The following ZBTB25 variants were observed in gnomAD, a reference collection of about 807,000 sequenced individuals.
ZBTB25 encodes the protein zinc finger and BTB domain containing 25, also known as zinc finger and BTB domain-containing protein 25.
ZBTB25 carries 20 observed loss-of-function variants against 34.2 expected under a neutral mutation model. The observed-to-expected ratio is 0.58, with a 90% CI of 0.41 to 0.85. ZBTB25 has a LOEUF of 0.85. ZBTB25 is among the 40% of genes least tolerant of loss of function. The pLI is 0.00. For missense variants in ZBTB25, 437 were observed against 521.8 expected, an observed-to-expected ratio of 0.84 and a Z score of 1.58; for synonymous variants, 175 against 186.4, an observed-to-expected ratio of 0.94 and a Z score of 0.50.
rs1232395894 is a variant in ZBTB25, at chr14:64,483,897, T to C, written c.*3026A>G. 3 of 132,996 alleles carry C rather than the reference T, an allele frequency of 2.3e-5. No homozygotes were observed. The highest frequency in any genetic ancestry group is 4.5e-5 in the Non-Finnish European group (3 of 65,998). The allele number at this position is 132,996 out of a possible 1,614,324, so 8.2% of individuals were successfully genotyped here. A position where few individuals can be genotyped will look rare whatever the true frequency, so the allele number is the denominator to read the frequency against. ...AGGCGGAGGTTGCAGTGAGCTGAGATTGCACCACTGCACTCCAGCCTGGCG... is the reference window on the plus strand; with the variant it reads ...AGGCGGAGGTTGCAGTGAGCTGAGACTGCACCACTGCACTCCAGCCTGGCG... On this transcript the variant is annotated 3_prime_UTR_variant, in exon 3 of 3. Transcript: ENST00000608382.
chr14:64,458,406 G>T lies in ZBTB25; in HGVS notation c.174-8768C>A, dbSNP rs1010630892. 6 of 855,226 alleles carry T rather than the reference G, an allele frequency of 7.0e-6. No individual in the cohort carries two copies. In the Admixed American group the frequency reaches 1.1e-4, roughly 15 times the overall value. The allele number at this position is 855,226 out of a possible 1,614,324, so 53.0% of individuals were successfully genotyped here. A position where few individuals can be genotyped will look rare whatever the true frequency, so the allele number is the denominator to read the frequency against. On this transcript the variant is annotated intron_variant, in intron 2 of 2. Transcript: ENST00000555220. ...ACGCTATAAAAATTCACATTCTAAT[G>T]CTTTCAAAACATTTCTTTTCAGACT...
intron 1 of ZBTB25, among the ~76,000 whole-genome samples, chr14:64,497,696 T>C (rs1368192821): frequency 6.6e-6 from 1 of 152,220 alleles, no homozygotes; most frequent in Non-Finnish European, 1.5e-5. Flanking sequence ...TACTAGTATC[T>C]ATGTTTGTTT....
intron 1 of ZBTB25, among the ~76,000 whole-genome samples, chr14:64,499,885 T>C (rs2079427038): frequency 6.6e-6 from 1 of 152,230 alleles, no homozygotes; most frequent in African/African-American, 2.4e-5. Flanking sequence ...AGAGTAGTTA[T>C]GCTCTAGAAA....
chr14:64,502,033 T>C (rs2079514978), intron 1 of ZBTB25, among the ~76,000 whole-genome samples: 1 of 152,216 alleles, frequency 6.6e-6, no homozygotes, highest in Admixed American at 6.5e-5. Flanking sequence ...TGCGAATGAC[T>C]GTATTACCAC....
chr14:64,503,773 C>G lies in ZBTB25; in HGVS notation c.-120G>C. On this transcript the variant is annotated 5_prime_UTR_variant, in exon 1 of 3. Coordinates refer to ENST00000608382, the MANE Select transcript of ZBTB25 (RefSeq NM_006977.5). ...ACGCACCCCTCGGCCGCCTCTCGCG[C>G]GGCTTCCCGCGCCGGCAGCCCGCGA... The G allele has an allele frequency of 4.2e-6, 1 of 236,530 alleles. No individual in the cohort carries two copies. The highest frequency in any genetic ancestry group is 6.9e-6 in the Non-Finnish European group (1 of 145,152). The allele number at this position is 236,530 out of a possible 1,614,324, so 14.7% of individuals were successfully genotyped here.
intron 2 of ZBTB25, among the ~76,000 whole-genome samples, chr14:64,450,833 G>A (rs2078358999): frequency 7.0e-6 from 1 of 143,632 alleles, no homozygotes; most frequent in Admixed American, 6.7e-5. Flanking sequence ...TCAGCCCCCT[G>A]AGTAGGTGGG....
At position 64,483,619 on chromosome 14, in the gene ZBTB25, G is replaced by A. The variant is rs901645799; in HGVS notation, c.*3304C>T. The stretch of plus-strand genomic sequence containing the variant: ...AAAATACAAAGCAAATTTTCTCAGT[G>A]AGCAATCATGTCTTTAAAAAATAAT... On this transcript the variant is annotated 3_prime_UTR_variant, in exon 3 of 3. Transcript: ENST00000608382. 4 of 152,060 alleles carry A rather than the reference G, an allele frequency of 2.6e-5. No individual in the cohort carries two copies. Among genetic ancestry groups the A allele is most frequent in the African/African-American group, 4.8e-5 (2 of 41,386 alleles). The allele number at this position is 152,060 out of a possible 1,614,324, so 9.4% of individuals were successfully genotyped here.
At chr14:64,465,416 G>T in intron 2 of ZBTB25, 1 of 151,828 alleles carries the variant, frequency 6.6e-6, no homozygotes, top group South Asian at 2.1e-4. Context: ...GCCCCTGCCC[G>T]CCCGCTCCGC....
At chr14:64,466,100 T>C (rs1029579611) in intron 2 of ZBTB25, among the ~76,000 whole-genome samples, 1 of 152,144 alleles carries the variant, frequency 6.6e-6, no homozygotes, top group Non-Finnish European at 1.5e-5. Flanking sequence ...GATGCATTGC[T>C]TTCCTCGGGT....
intron 2 of ZBTB25, chr14:64,460,352 T>C (rs1295697372): frequency 1.1e-5 from 2 of 184,726 alleles, no homozygotes; most frequent in African/African-American, 4.7e-5. Context: ...GTCACAGCTT[T>C]AGCACTGTCT....
chr14:64,503,632 G>T lies in ZBTB25; in HGVS notation c.-8+29C>A, dbSNP rs1302456954. 4 of 984,712 alleles carry T rather than the reference G, an allele frequency of 4.1e-6. No individual in the cohort carries two copies. The Admixed American group carries it at 2.5e-4, about 61-fold the overall frequency. The allele number at this position is 984,712 out of a possible 1,614,324, so 61.0% of individuals were successfully genotyped here. On this transcript the variant is annotated intron_variant, in intron 1 of 2. Transcript: ENST00000608382. Reference sequence around the variant, plus strand: ...GGCAGGAGGGACTGAGCCCGGGGCAGCCCACAGGGGCAGGACCGCGTCGCT... The same window carrying T: ...GGCAGGAGGGACTGAGCCCGGGGCATCCCACAGGGGCAGGACCGCGTCGCT...
intron 1 of ZBTB25, among the ~76,000 whole-genome samples, chr14:64,494,689 T>C (rs1481037615): frequency 1.3e-5 from 2 of 151,964 alleles, no homozygotes; most frequent in Non-Finnish European, 2.9e-5. Context: ...GACACAGACA[T>C]GACAGGACAG....
rs747087966 is a variant in ZBTB25 at position 64,487,383 on chromosome 14, T to C, written c.848A>G (p.His283Arg). 1.2e-6 allele frequency: 2 copies of C among 1,614,036 alleles called. No homozygotes were observed. The highest frequency in any genetic ancestry group is 2.7e-5 in the African/African-American group (2 of 74,910). Reference sequence around the variant, plus strand: ...GGCCTCGCTGTTTTCATTAAGGGGATGCACTTCACCAAGGTCATTACTTTC... The same window carrying C: ...GGCCTCGCTGTTTTCATTAAGGGGACGCACTTCACCAAGGTCATTACTTTC... ...ILESNDLGEV[H>R]PLNENSEALE... The change falls in exon 3 of 3, where the codon CAT (histidine) becomes CGT (arginine). Residue 283 changes from histidine (H) to arginine (R), a missense_variant. Physicochemically the swap from His to Arg is conservative, Grantham distance 29. Coordinates refer to ENST00000608382, the MANE Select transcript of ZBTB25 (RefSeq NM_006977.5).
At chr14:64,475,551 C>T (rs1416254116), downstream of ZBTB25, among the ~76,000 whole-genome samples, 3 of 151,624 alleles carry the variant, frequency 2.0e-5, no homozygotes, top group Non-Finnish European at 4.4e-5. Context: ...TTAGACCTAC[C>T]TTTAATGCTG....
chr14:64,493,893 C>G (rs553786013), intron 1 of ZBTB25, among the ~76,000 whole-genome samples: 4 of 151,900 alleles, frequency 2.6e-5, no homozygotes, highest in African/African-American at 9.6e-5. Flanking sequence ...TTCAGACACT[C>G]TGAGCTCCAA....
intron 2 of ZBTB25, chr14:64,460,921 G>A (rs1385767727): frequency 6.6e-6 from 1 of 152,104 alleles, no homozygotes; most frequent in Non-Finnish European, 1.5e-5. Context: ...AGGTACTTGG[G>A]AGGCTGAGGT....
Position 64,469,789 on chromosome 14 carries a change from T to C in ZBTB25, c.174-20151A>G, listed in dbSNP as rs879241635. On this transcript the variant is annotated intron_variant, in intron 2 of 2. Transcript: ENST00000555220. ...TGAGAGATTTATCATCTCTAGAACT[T>C]AAAAGGTACAATTCCAGCGCAGAAG... is the stretch of plus-strand genomic sequence containing the variant. 12 of 807,408 alleles carry C rather than the reference T, an allele frequency of 1.5e-5. No individual in the cohort carries two copies. The South Asian group carries it at 2.3e-4, about 15-fold the overall frequency. 50.0% of individuals were successfully genotyped at this position (807,408 alleles called of 1,614,324 possible).
intron 1 of ZBTB25, among the ~76,000 whole-genome samples, chr14:64,502,172 T>A (rs776043416): frequency 1.5e-4 from 23 of 152,242 alleles, no homozygotes; most frequent in Non-Finnish European, 2.8e-4. Context: ...AAGTACTCAG[T>A]AAACAGCGGC....
chr14:64,458,365 T>A, intron 2 of ZBTB25: 1 of 1,086,024 alleles, frequency 9.2e-7, no homozygotes, highest in Non-Finnish European at 1.4e-6. Flanking sequence ...ATTTATGAAT[T>A]ATAGGGCTCA....
Sources: gnomAD v4.1 joint callset for allele counts (sites outside exome capture counted in the v4.1 genomes callset) on GRCh38, gnomAD v4.1.1 for gene constraint, MANE v1.5 for transcripts, NCBI Gene and HGNC (gene_info 2026-07-23, HGNC 2026-07-21) for gene names.